Variants in ZFP91 observed in about 807,000 individuals in gnomAD.
ZFP91 encodes the protein ZFP91 zinc finger protein, atypical E3 ubiquitin ligase.
In ZFP91, 7 loss-of-function variants were observed where a neutral mutation model predicts 63.5. The observed-to-expected ratio is 0.11, with a 90% confidence interval of 0.06 to 0.21. The LOEUF (loss-of-function observed/expected upper bound fraction) is 0.21, where lower values mean the gene tolerates loss of function less well. Ranked by LOEUF, ZFP91 falls within the 10% of genes least tolerant of loss-of-function variation. The pLI is 1.00. For synonymous variants in ZFP91, 330 were observed against 272.1 expected, an observed-to-expected ratio of 1.21 and a Z score of -2.10; for missense variants, 628 against 736.6, an observed-to-expected ratio of 0.85 and a Z score of 1.71.
At chr11:58,611,502 A>G (rs769285478) in intron 5 of ZFP91, 102 bp from the exon 6 acceptor site, 7 of 1,385,262 alleles carry the variant, frequency 5.1e-6, no homozygotes, top group South Asian at 1.5e-5. Context: ...TGAGGAAGGT[A>G]GTTTTATAAC....
Position 58,617,096 on chromosome 11 carries a change from G to T in ZFP91, c.1203-100G>T. Reference sequence around the variant, plus strand: ...TGTGTGTGTGTGTGTGTGTGTGTGTGTGTATGTATATATATGCTCTAAACT... The same window carrying T: ...TGTGTGTGTGTGTGTGTGTGTGTGTTTGTATGTATATATATGCTCTAAACT... On this transcript the variant is annotated intron_variant, in intron 10 of 10. Coordinates refer to ENST00000316059, the MANE Select transcript of ZFP91 (RefSeq NM_053023.5). The surrounding 1 kb of genome is among the most constrained non-coding windows in gnomAD (Gnocchi z 4.2). 1 of 1,012,110 alleles carries T rather than the reference G, an allele frequency of 9.9e-7. No homozygotes were observed. The allele number at this position is 1,012,110 out of a possible 1,614,324, so 62.7% of individuals were successfully genotyped here.
At position 58,620,217 on chromosome 11, in the gene ZFP91, CTT is replaced by C. The variant is rs948347294; in HGVS notation, c.*2513_*2514del. 5.3e-5 allele frequency: 8 copies of C among 152,056 alleles called. No homozygotes were observed. The highest frequency in any genetic ancestry group is 1.9e-4 in the African/African-American group (8 of 41,398). The allele number at this position is 152,056 out of a possible 1,614,324, so 9.4% of individuals were successfully genotyped here. Reference sequence around the variant, plus strand: ...GCAATACTAAAATATTTTTTATAGACTTTATATTTTTCCTTTTGATAAAGGGA... The same window carrying C: ...GCAATACTAAAATATTTTTTATAGACTATATTTTTCCTTTTGATAAAGGGA... On this transcript the variant is annotated 3_prime_UTR_variant, in exon 11 of 11. Coordinates refer to ENST00000316059, the MANE Select transcript of ZFP91 (RefSeq NM_053023.5).
At chr11:58,608,807 G>T (rs2509918) in intron 2 of ZFP91, among the ~76,000 whole-genome samples, 2 of 152,088 alleles carry the variant, frequency 1.3e-5, no homozygotes, top group Admixed American at 6.5e-5. Context: ...GTTTCACCAC[G>T]TTGGCCAGGC....
chr11:58,591,891 C>T (rs1021617968), intron 2 of ZFP91, among the ~76,000 whole-genome samples: 2 of 152,016 alleles, frequency 1.3e-5, no homozygotes, highest in Non-Finnish European at 2.9e-5. Flanking sequence ...ATCAGGGACT[C>T]GGTGTTGGTC....
At chr11:58,606,363 G>A (rs1212945940) in intron 2 of ZFP91, among the ~76,000 whole-genome samples, 2 of 152,060 alleles carry the variant, frequency 1.3e-5, no homozygotes, top group Non-Finnish European at 2.9e-5. Context: ...CACTGTACCC[G>A]GCCTCTCTTG....
chr11:58,614,190 ATTT>A, intron 8 of ZFP91, 36 bp from the exon 9 acceptor site: 10 of 1,050,236 alleles, frequency 9.5e-6, no homozygotes, highest in African/African-American at 1.7e-5. Context: ...GGAAGCCTTA[ATTT>A]TTTTTTTTTC....
Position 58,579,113 on chromosome 11 carries a change from G to C in ZFP91, c.-169G>C. 2.0e-6 allele frequency: 1 copy of C among 512,388 alleles called. No homozygotes were observed. Among genetic ancestry groups the C allele is most frequent in the Non-Finnish European group, 3.1e-6 (1 of 319,470 alleles). 31.7% of individuals were successfully genotyped at this position (512,388 alleles called of 1,614,324 possible). Reference sequence around the variant, plus strand: ...CGGTAGCGGACCTTGAGTGGCAGGGGGTGGGGGGGGCGCCCTCGGAGCCGG... The same window carrying C: ...CGGTAGCGGACCTTGAGTGGCAGGGCGTGGGGGGGGCGCCCTCGGAGCCGG... On this transcript the variant is annotated 5_prime_UTR_variant, in exon 1 of 11. Transcript: ENST00000316059.
At chr11:58,603,382 C>T (rs1225303907) in intron 2 of ZFP91, among the ~76,000 whole-genome samples, 1 of 152,200 alleles carries the variant, frequency 6.6e-6, no homozygotes, top group African/African-American at 2.4e-5. Flanking sequence ...TGTGACTGGA[C>T]AGCTATTCTC....
intron 1 of ZFP91, among the ~76,000 whole-genome samples, chr11:58,583,192 T>C (rs934974090): frequency 2.0e-4 from 30 of 152,102 alleles, no homozygotes; most frequent in African/African-American, 6.8e-4. Context: ...GTATAAGGCT[T>C]TTTTTCATTC....
chr11:58,608,078 TACACAC>T (rs753738071), intron 2 of ZFP91, among the ~76,000 whole-genome samples: 38 of 151,098 alleles, frequency 2.5e-4, no homozygotes, highest in Non-Finnish European at 5.5e-4. Flanking sequence ...TATATATATA[TACACAC>T]ACACACACAT....
Position 58,584,893 on chromosome 11 carries a change from TG to T in ZFP91, c.370+11del. The T allele has an allele frequency of 6.6e-7, 1 of 1,518,802 alleles. No homozygotes were observed. Among genetic ancestry groups the T allele is most frequent in the Non-Finnish European group, 8.8e-7 (1 of 1,142,266 alleles). The allele number at this position is 1,518,802 out of a possible 1,614,324, so 94.1% of individuals were successfully genotyped here. A position where few individuals can be genotyped will look rare whatever the true frequency, so the allele number is the denominator to read the frequency against. On this transcript the variant is annotated intron_variant, in intron 2 of 10. Transcript: ENST00000316059. ...AGTAACAACTGATAAAGGTAAGACT[TG>T]GTCATCCTTACCTCTAGCGTACATT...
chr11:58,579,178 G>A lies in ZFP91; in HGVS notation c.-104G>A, dbSNP rs1269230184. Reference sequence around the variant, plus strand: ...GGAAAGAGGAGCGCAGGGTGAGAGTGAGCCGCAGGCTTCGGGAGGCGAGGG... The same window carrying A: ...GGAAAGAGGAGCGCAGGGTGAGAGTAAGCCGCAGGCTTCGGGAGGCGAGGG... On this transcript the variant is annotated 5_prime_UTR_variant, in exon 1 of 11. Coordinates refer to ENST00000316059, the MANE Select transcript of ZFP91 (RefSeq NM_053023.5). The A allele has an allele frequency of 6.1e-6, 6 of 991,688 alleles. No homozygotes were observed. In the African/African-American group the frequency reaches 1.1e-4, roughly 18 times the overall value. 61.4% of individuals were successfully genotyped at this position (991,688 alleles called of 1,614,324 possible).
chr11:58,595,511 A>G (rs1269748674), intron 2 of ZFP91, among the ~76,000 whole-genome samples: 3 of 151,574 alleles, frequency 2.0e-5, no homozygotes, highest in Non-Finnish European at 2.9e-5. Context: ...GAGATAAATC[A>G]TATTTCATTG....
chr11:58,611,317 C>T (rs1855658291), intron 5 of ZFP91: 1 of 482,894 alleles, frequency 2.1e-6, no homozygotes, highest in Non-Finnish European at 3.6e-6. Context: ...CATGAATTGC[C>T]TGAATACTTA....
chr11:58,618,400 G>A lies in ZFP91; in HGVS notation c.*694G>A, dbSNP rs900867978. ...CTCAATGGTGCTCACTTGCTTGGAA[G>A]CAGGCTCCCAATAGGGAGGGGGCTG... On this transcript the variant is annotated 3_prime_UTR_variant, in exon 11 of 11. Transcript: ENST00000316059. The A allele has an allele frequency of 6.6e-5, 18 of 272,964 alleles. No homozygotes were observed. The highest frequency in any genetic ancestry group is 1.2e-4 in the Non-Finnish European group (16 of 138,900). 16.9% of individuals were successfully genotyped at this position (272,964 alleles called of 1,614,324 possible). A position where few individuals can be genotyped will look rare whatever the true frequency, so the allele number is the denominator to read the frequency against.
In ZFP91 at chr11:58,617,394, C is replaced by T. The variant is rs1427663936; in HGVS notation, c.1401C>T (p.Gly467=). 37 of 1,613,352 alleles carry T rather than the reference C, an allele frequency of 2.3e-5. No homozygotes were observed. Among genetic ancestry groups the T allele is most frequent in the Non-Finnish European group, 3.1e-5 (36 of 1,179,720 alleles). Reference sequence around the variant, plus strand: ...CAGAAGCTCTGGCTGCCAATGCAGGCGCCCTCATCACCAGCACAGATATCT... The same window carrying T: ...CAGAAGCTCTGGCTGCCAATGCAGGTGCCCTCATCACCAGCACAGATATCT... ...LIAEALAANA[G]ALITSTDILG... is the part of the protein sequence containing the mutation. Residue 467 remains glycine, a synonymous_variant, in exon 11 of 11, where the codon GGC becomes GGT. Coordinates refer to ENST00000316059, the MANE Select transcript of ZFP91 (RefSeq NM_053023.5). The surrounding 1 kb of genome is among the most constrained non-coding windows in gnomAD (Gnocchi z 4.2).
At chr11:58,581,788 T>G (rs951395322) in intron 1 of ZFP91, among the ~76,000 whole-genome samples, 3 of 152,224 alleles carry the variant, frequency 2.0e-5, no homozygotes, top group African/African-American at 7.2e-5. Context: ...TCCATATAAC[T>G]GTTACTGTTG....
rs1280868996 is a variant in ZFP91 at position 58,614,222 on chromosome 11, G to A, written c.988-7G>A. ...TTTTTTCGCCCCTTTCACTTTCTCTGTTTTAGCACCACATTAAATACCAGC... is the reference window on the plus strand; with the variant it reads ...TTTTTTCGCCCCTTTCACTTTCTCTATTTTAGCACCACATTAAATACCAGC... On this transcript the variant is annotated splice_polypyrimidine_tract_variant and splice_region_variant and intron_variant, in intron 8 of 10. Transcript: ENST00000316059. The A allele has an allele frequency of 1.3e-6, 2 of 1,557,212 alleles. No individual in the cohort carries two copies. Among genetic ancestry groups the A allele is most frequent in the Non-Finnish European group, 8.7e-7 (1 of 1,148,392 alleles).
Position 58,584,840 on chromosome 11 carries a change from T to C in ZFP91, c.342-16T>C, listed in dbSNP as rs1439109500. ...TGCTAGATTGTTCATTAATGTTTGATTCTTATTTCTTTCAGATGCATAGAA... is the reference window on the plus strand; with the variant it reads ...TGCTAGATTGTTCATTAATGTTTGACTCTTATTTCTTTCAGATGCATAGAA... On this transcript the variant is annotated splice_polypyrimidine_tract_variant and intron_variant, in intron 1 of 10. Transcript: ENST00000316059. The C allele has an allele frequency of 6.5e-7, 1 of 1,533,500 alleles. No homozygotes were observed. Among genetic ancestry groups the C allele is most frequent in the Admixed American group, 2.3e-5 (1 of 42,828 alleles). The allele number at this position is 1,533,500 out of a possible 1,614,324, so 95.0% of individuals were successfully genotyped here.
Sources: allele counts gnomAD v4.1 joint callset (sites outside exome capture counted in the v4.1 genomes callset), GRCh38; gene constraint gnomAD v4.1.1; non-coding constraint Gnocchi (gnomAD v3.1); transcripts MANE v1.5; gene names NCBI Gene and HGNC (gene_info 2026-07-23, HGNC 2026-07-21).